The following MGRN1 variants were observed in gnomAD, a reference collection of about 807,000 sequenced individuals.
MGRN1 encodes E3 ubiquitin-protein ligase MGRN1.
In MGRN1, 29 loss-of-function variants were observed where a neutral mutation model predicts 69.2. The ratio of observed to expected loss-of-function variants is 0.42; its 90% CI spans 0.31 to 0.57. The LOEUF (loss-of-function observed/expected upper bound fraction) is 0.57, where lower values mean the gene tolerates loss of function less well. Among genes scored for constraint, MGRN1 ranks in the 20% least tolerant of loss-of-function variants. The pLI, the probability that MGRN1 is intolerant of heterozygous loss-of-function variation, is 0.15. For synonymous variants in MGRN1, 470 were observed against 344.2 expected, an observed-to-expected ratio of 1.37 and a Z score of -4.04; for missense variants, 998 against 796.2, an observed-to-expected ratio of 1.25 and a Z score of -3.05.
intron 16 of MGRN1, chr16:4,687,902 C>T (rs1200639809): frequency 1.0e-5 from 10 of 985,456 alleles, no homozygotes; most frequent in Non-Finnish European, 1.2e-5. Flanking sequence ...TGACCCCTGT[C>T]CTGAGCCATT....
At chr16:4,650,767 G>A (rs2141879467) in intron 2 of MGRN1, 1 of 308,086 alleles carries the variant, frequency 3.2e-6, no homozygotes, top group Non-Finnish European at 5.9e-6. Flanking sequence ...GGAACATGGT[G>A]GATTTGATTC....
At chr16:4,671,224 C>T in intron 8 of MGRN1, 167 bp from the exon 9 acceptor site, 1 of 633,956 alleles carries the variant, frequency 1.6e-6, no homozygotes, top group South Asian at 1.9e-5. Context: ...TGGGTGGGGG[C>T]AAGCAGCAGG....
At chr16:4,670,367 C>T (rs995417520) in intron 8 of MGRN1, among the ~76,000 whole-genome samples, 3 of 152,204 alleles carry the variant, frequency 2.0e-5, no homozygotes, top group South Asian at 2.1e-4. Context: ...CTCAGCATCC[C>T]GAGTAGCTGG....
chr16:4,627,389 T>G (rs561458738), intron 1 of MGRN1, among the ~76,000 whole-genome samples: 1 of 152,394 alleles, frequency 6.6e-6, no homozygotes, highest in Admixed American at 6.5e-5. Flanking sequence ...TTGTTTTCAC[T>G]ATATCTGTTT....
intron 1 of MGRN1, among the ~76,000 whole-genome samples, chr16:4,642,033 C>A (rs73516845): frequency 6.6e-6 from 1 of 151,840 alleles, no homozygotes; most frequent in African/African-American, 2.4e-5. Context: ...TTGTCTGCGC[C>A]GTGTTGATCA....
chr16:4,629,468 T>C (rs950861647), intron 1 of MGRN1, among the ~76,000 whole-genome samples: 2 of 152,036 alleles, frequency 1.3e-5, no homozygotes, highest in African/African-American at 4.8e-5. Flanking sequence ...GGCCCAGGCA[T>C]GGTGGCTCAC....
chr16:4,632,551 G>A (rs144610525), intron 1 of MGRN1, among the ~76,000 whole-genome samples: 19 of 152,140 alleles, frequency 1.2e-4, no homozygotes, highest in Admixed American at 5.9e-4. Flanking sequence ...CCGCCACTAC[G>A]TCTGGCTAAT....
At chr16:4,665,610 C>G (rs1257696567) in intron 7 of MGRN1, among the ~76,000 whole-genome samples, 1 of 151,758 alleles carries the variant, frequency 6.6e-6, no homozygotes, top group Non-Finnish European at 1.5e-5. Context: ...CTCAAGTGAT[C>G]CACCTGCCAC....
chr16:4,635,283 G>A (rs1005941534), intron 1 of MGRN1, among the ~76,000 whole-genome samples: 3 of 151,944 alleles, frequency 2.0e-5, no homozygotes, highest in Non-Finnish European at 4.4e-5. Flanking sequence ...CAAGTGTGGT[G>A]GTGCACACCT....
In MGRN1 at chr16:4,689,386, C is replaced by G. The variant is rs145530786; in HGVS notation, c.*478C>G. 2.6e-3 allele frequency: 404 copies of G among 154,820 alleles called. No individual in the cohort carries two copies. Among genetic ancestry groups the G allele is most frequent in the African/African-American group, 9.1e-3 (381 of 41,674 alleles). 9.6% of individuals were successfully genotyped at this position (154,820 alleles called of 1,614,324 possible). On this transcript the variant is annotated 3_prime_UTR_variant, in exon 17 of 17. Coordinates refer to ENST00000262370, the MANE Select transcript of MGRN1 (RefSeq NM_015246.4). ...AGGAAACAGTGCCTGTCCACCCACC[C>G]TGCGTGTCACTGTGGCGGCCTGGCT... is the stretch of plus-strand genomic sequence containing the variant.
At chr16:4,680,992 A>G (rs972797489) in intron 12 of MGRN1, among the ~76,000 whole-genome samples, 1 of 152,138 alleles carries the variant, frequency 6.6e-6, no homozygotes, top group Non-Finnish European at 1.5e-5. Flanking sequence ...GAACCTGGGC[A>G]TTTTCCTTCT....
chr16:4,648,332 C>T (rs1189616833), intron 1 of MGRN1, among the ~76,000 whole-genome samples: 1 of 140,322 alleles, frequency 7.1e-6, no homozygotes, highest in Non-Finnish European at 1.5e-5. Context: ...TCACCCGGCT[C>T]CTCCTCTCGG....
intron 1 of MGRN1, chr16:4,649,364 C>T (rs1397399151): frequency 1.3e-5 from 2 of 152,222 alleles, no homozygotes; most frequent in African/African-American, 2.4e-5. Flanking sequence ...ATTCTCTCAC[C>T]ATCACAGAGG....
At chr16:4,682,356 C>A (rs117044515) in intron 13 of MGRN1, among the ~76,000 whole-genome samples, 27 of 152,218 alleles carry the variant, frequency 1.8e-4, no homozygotes, top group Non-Finnish European at 3.5e-4. Context: ...TGGAGCCTTG[C>A]GGTGTATAGA....
chr16:4,687,048 G>T (rs1032545853), intron 16 of MGRN1: 9 of 985,588 alleles, frequency 9.1e-6, no homozygotes, highest in Non-Finnish European at 1.1e-5. Context: ...CATGGCCACC[G>T]TGGGCCTGGC....
Position 4,679,142 on chromosome 16 carries a change from G to A in MGRN1, c.1066-890G>A, listed in dbSNP as rs183982702. Among the ~76,000 whole-genome samples the A allele has an allele frequency of 2.0e-5, 3 of 152,342 alleles. No homozygotes were observed. The East Asian group carries it at 5.8e-4, about 29-fold the overall frequency. Reference sequence around the variant, plus strand: ...TGGCTTTGATTCGGAAACGCTGCGTGTGCTCAGGTTTTTGGTGGAGAGAGA... The same window carrying A: ...TGGCTTTGATTCGGAAACGCTGCGTATGCTCAGGTTTTTGGTGGAGAGAGA... On this transcript the variant is annotated intron_variant, in intron 11 of 16. Transcript: ENST00000262370.
chr16:4,688,558 G>T lies in MGRN1; in HGVS notation c.1619-238G>T, dbSNP rs551140021. On this transcript the variant is annotated intron_variant, in intron 16 of 16. Coordinates refer to ENST00000262370, the MANE Select transcript of MGRN1 (RefSeq NM_015246.4). ...TCTGACTCGGGGCTGCAGATCTGCT[G>T]TGGGTGTCCGGGGATCTGGGATCGT... The T allele has an allele frequency of 8.6e-6, 11 of 1,283,668 alleles. No individual in the cohort carries two copies. The African/African-American group carries it at 1.5e-4, about 18-fold the overall frequency. 79.5% of individuals were successfully genotyped at this position (1,283,668 alleles called of 1,614,324 possible).
rs1400111162 is a variant in MGRN1 at position 4,662,847 on chromosome 16, C to T, written c.562-1862C>T. 5.3e-5 allele frequency among the ~76,000 whole-genome samples: 8 copies of T among 152,168 alleles called. No individual in the cohort carries two copies. The South Asian group carries it at 1.7e-3, about 32-fold the overall frequency. The stretch of plus-strand genomic sequence containing the variant: ...TTGCTGTTCAGGGGCGGGTGCTTGG[C>T]TGCGGGCTCAGGGTTCCCTTGTGCT... On this transcript the variant is annotated intron_variant, in intron 5 of 16. Transcript: ENST00000262370.
chr16:4,686,897 C>T (rs2079333359), intron 16 of MGRN1: 2 of 985,586 alleles, frequency 2.0e-6, no homozygotes, highest in Non-Finnish European at 2.4e-6. Flanking sequence ...ATCACGTCTT[C>T]CCAAGCTCAG....
Sources: allele counts gnomAD v4.1 joint callset (sites outside exome capture counted in the v4.1 genomes callset), GRCh38; gene constraint gnomAD v4.1.1; transcripts MANE v1.5; gene names NCBI Gene and HGNC (gene_info 2026-07-23, HGNC 2026-07-21).